Variants in CCDC85C observed in about 807,000 individuals in gnomAD.
CCDC85C encodes coiled-coil domain-containing protein 85C.
A neutral mutation model predicts 38.3 loss-of-function variants in CCDC85C; 18 were observed. The ratio of observed to expected loss-of-function variants is 0.47; its 90% CI spans 0.33 to 0.70. CCDC85C has a LOEUF of 0.70. Ranked by LOEUF, CCDC85C falls within the 30% of genes least tolerant of loss-of-function variation. The pLI is 0.03. For synonymous variants in CCDC85C, 264 were observed against 293.8 expected (o/e 0.90, Z 1.04); for missense variants, 566 against 621.2 (o/e 0.91, Z 0.94).
At position 99,503,858 on chromosome 14, in the gene CCDC85C, T is replaced by G; in HGVS notation, c.*11388A>C. On this transcript the variant is annotated 3_prime_UTR_variant, in exon 6 of 6. Coordinates refer to ENST00000380243, the MANE Select transcript of CCDC85C (RefSeq NM_001144995.2). Reference sequence around the variant, plus strand: ...TACGAAGCTATCAGTACAGAAAACATTACTGGCAATAAAAATGTACTCAGT... The same window carrying G: ...TACGAAGCTATCAGTACAGAAAACAGTACTGGCAATAAAAATGTACTCAGT... 1 of 560,704 alleles carries G rather than the reference T, an allele frequency of 1.8e-6. No individual in the cohort carries two copies. The highest frequency in any genetic ancestry group is 2.3e-5 in the South Asian group (1 of 43,390). The allele number at this position is 560,704 out of a possible 1,614,324, so 34.7% of individuals were successfully genotyped here. A position where few individuals can be genotyped will look rare whatever the true frequency, so the allele number is the denominator to read the frequency against.
chr14:99,580,477 G>T lies in CCDC85C; in HGVS notation c.793+22690C>A, dbSNP rs1393447010. Among the ~76,000 whole-genome samples, 36 of 145,440 alleles carry T rather than the reference G, an allele frequency of 2.5e-4. 1 individual carries two copies. The highest frequency in any genetic ancestry group is 1.5e-5 in the Non-Finnish European group (1 of 66,032). ...AGGGACGTCCCCAGTGAGGGGAGGG[G>T]GGGAAGGGGGCGGGGATGGGGGGAA... On this transcript the variant is annotated intron_variant, in intron 1 of 5. Transcript: ENST00000380243.
chr14:99,551,973 C>T (rs1321489276), intron 1 of CCDC85C, among the ~76,000 whole-genome samples: 1 of 152,198 alleles, frequency 6.6e-6, no homozygotes, highest in Non-Finnish European at 1.5e-5. Flanking sequence ...TTCCAGGCCC[C>T]GGGCCCATGT....
intron 1 of CCDC85C, among the ~76,000 whole-genome samples, chr14:99,590,945 G>C (rs1319165002): frequency 6.6e-6 from 1 of 152,214 alleles, no homozygotes; most frequent in African/African-American, 2.4e-5. Flanking sequence ...TTATCCGCCA[G>C]GGACGGCCAG....
At chr14:99,524,557 A>T (rs1566761218) in intron 2 of CCDC85C, among the ~76,000 whole-genome samples, 1 of 152,216 alleles carries the variant, frequency 6.6e-6, no homozygotes, top group Non-Finnish European at 1.5e-5. Context: ...TGTCCATAGA[A>T]CTTTATTAGC....
chr14:99,555,786 G>A (rs1897998863), intron 1 of CCDC85C, among the ~76,000 whole-genome samples: 4 of 152,306 alleles, frequency 2.6e-5, no homozygotes, highest in Non-Finnish European at 4.4e-5. Context: ...GTCTCCAAGA[G>A]CCTCCCGCAA....
Position 99,569,190 on chromosome 14 carries a change from CGA to C in CCDC85C, c.794-33104_794-33103del, listed in dbSNP as rs1205803629. On this transcript the variant is annotated intron_variant, in intron 1 of 5. Transcript: ENST00000380243. This position sits in a 1 kb window ranked among gnomAD's most constrained non-coding sequence, Gnocchi z 4.3. ...AAGAATAAAGCAGTAAGGCCCACGT[CGA>C]CCCATCTTCGTGAAGGAAGACCTAA... 1.7e-4 allele frequency among the ~76,000 whole-genome samples: 26 copies of C among 152,224 alleles called. No homozygotes were observed. The highest frequency in any genetic ancestry group is 3.4e-4 in the Non-Finnish European group (23 of 68,044).
At position 99,501,562 on chromosome 14, in the gene CCDC85C, G is replaced by A. The variant is rs553733370; in HGVS notation, c.*13684C>T. The A allele has an allele frequency of 2.8e-5, 17 of 607,006 alleles. 1 individual carries two copies. Among genetic ancestry groups the A allele is most frequent in the South Asian group, 1.6e-4 (8 of 48,622 alleles). 37.6% of individuals were successfully genotyped at this position (607,006 alleles called of 1,614,324 possible). ...AGTTAATGGCAAAGCTGGGGCTGAC[G>A]TCCAGGTCATCTGCTTCCCGGCAGA... On this transcript the variant is annotated 3_prime_UTR_variant, in exon 6 of 6. Coordinates refer to ENST00000380243, the MANE Select transcript of CCDC85C (RefSeq NM_001144995.2).
intron 2 of CCDC85C, among the ~76,000 whole-genome samples, chr14:99,529,010 A>G (rs941686983): frequency 7.3e-5 from 11 of 151,444 alleles, no homozygotes; most frequent in African/African-American, 2.4e-4. Flanking sequence ...GTTGATAGGG[A>G]AAAAAAAGGA....
chr14:99,545,402 T>C lies in CCDC85C; in HGVS notation c.794-9314A>G, dbSNP rs1364599017. The stretch of plus-strand genomic sequence containing the variant: ...TGGATCTGCCTGGGAACCACCAGTG[T>C]TCTCAAACCAAAACTCAAACTCATT... On this transcript the variant is annotated intron_variant, in intron 1 of 5. Transcript: ENST00000380243. This position sits in a 1 kb window ranked among gnomAD's most constrained non-coding sequence, Gnocchi z 4.7. 6.6e-6 allele frequency among the ~76,000 whole-genome samples: 1 copy of C among 152,140 alleles called. No homozygotes were observed.
At chr14:99,563,761 T>C (rs887975939) in intron 1 of CCDC85C, among the ~76,000 whole-genome samples, 1 of 152,200 alleles carries the variant, frequency 6.6e-6, no homozygotes, top group African/African-American at 2.4e-5. Flanking sequence ...TGTGCCTCTC[T>C]GTGGGCAAGG....
chr14:99,554,517 A>G (rs927985042), intron 1 of CCDC85C, among the ~76,000 whole-genome samples: 4 of 152,232 alleles, frequency 2.6e-5, no homozygotes, highest in Admixed American at 2.6e-4. Flanking sequence ...GCATGCTGGC[A>G]GCCCGCACAT....
intron 1 of CCDC85C, among the ~76,000 whole-genome samples, chr14:99,537,153 A>T (rs1381632756): frequency 6.6e-6 from 1 of 152,294 alleles, no homozygotes; most frequent in East Asian, 1.9e-4. Context: ...CCCAGATGCC[A>T]GCCCAGACCC....
In CCDC85C at chr14:99,508,422, G is replaced by A. The variant is rs1897029963; in HGVS notation, c.*6824C>T. 6.6e-6 allele frequency: 1 copy of A among 152,292 alleles called. No individual in the cohort carries two copies. Among genetic ancestry groups the A allele is most frequent in the Non-Finnish European group, 1.5e-5 (1 of 68,116 alleles). The allele number at this position is 152,292 out of a possible 1,614,324, so 9.4% of individuals were successfully genotyped here. ...CAGGGCACTGAGTAGCTGCTGTGGA[G>A]GCCTCAGAGCTCTGCTCCCTCCCCC... On this transcript the variant is annotated 3_prime_UTR_variant, in exon 6 of 6. Coordinates refer to ENST00000380243, the MANE Select transcript of CCDC85C (RefSeq NM_001144995.2).
chr14:99,568,061 C>T (rs540709453), intron 1 of CCDC85C, among the ~76,000 whole-genome samples: 2 of 152,104 alleles, frequency 1.3e-5, no homozygotes, highest in African/African-American at 4.8e-5. Flanking sequence ...GACTCCAGGG[C>T]ACTGGTCCCA....
In CCDC85C at chr14:99,576,306, C is replaced by T. The variant is rs1898475235; in HGVS notation, c.793+26861G>A. On this transcript the variant is annotated intron_variant, in intron 1 of 5. Transcript: ENST00000380243. This position sits in a 1 kb window ranked among gnomAD's most constrained non-coding sequence, Gnocchi z 4.8. ...CCATCTAAAATCCAGGGCCAGGGCC[C>T]CTCGAGGGTGGTCCCAAAGGTCCCC... Among the ~76,000 whole-genome samples, 1 of 152,232 alleles carries T rather than the reference C, an allele frequency of 6.6e-6. No homozygotes were observed. The highest frequency in any genetic ancestry group is 2.1e-4 in the South Asian group (1 of 4,830).
At chr14:99,598,977 T>A (rs2055172017) in intron 1 of CCDC85C, among the ~76,000 whole-genome samples, 1 of 152,142 alleles carries the variant, frequency 6.6e-6, no homozygotes, top group African/African-American at 2.4e-5. Flanking sequence ...AGGCCATTGA[T>A]GGATCCCTTG....
chr14:99,577,917 A>AGTGT (rs368902066), intron 1 of CCDC85C, among the ~76,000 whole-genome samples: 77 of 117,148 alleles, frequency 6.6e-4, no homozygotes, highest in African/African-American at 1.5e-3. Context: ...ATCCCCCATC[A>AGTGT]GTGTGTGTGT....
intron 1 of CCDC85C, among the ~76,000 whole-genome samples, chr14:99,543,166 G>A (rs1283871035): frequency 6.6e-6 from 1 of 152,324 alleles, no homozygotes; most frequent in East Asian, 1.9e-4. Flanking sequence ...TCTTTGGGCA[G>A]AAGCCTCTGG....
At position 99,545,539 on chromosome 14, in the gene CCDC85C, G is replaced by A. The variant is rs764715173; in HGVS notation, c.794-9451C>T. The stretch of plus-strand genomic sequence containing the variant: ...TTCCCTGTGCCTTCAAGGGCTGCAC[G>A]CATCTGGAAATTGACCTGTGTGTGT... On this transcript the variant is annotated intron_variant, in intron 1 of 5. Transcript: ENST00000380243. The surrounding 1 kb of genome is among the most constrained non-coding windows in gnomAD (Gnocchi z 4.7). Among the ~76,000 whole-genome samples, 11 of 152,282 alleles carry A rather than the reference G, an allele frequency of 7.2e-5. No individual in the cohort carries two copies. The highest frequency in any genetic ancestry group is 1.2e-4 in the Non-Finnish European group (8 of 68,018).
Sources: allele counts gnomAD v4.1 joint callset (sites outside exome capture counted in the v4.1 genomes callset), GRCh38; gene constraint gnomAD v4.1.1; non-coding constraint Gnocchi (gnomAD v3.1); transcripts MANE v1.5; gene names NCBI Gene and HGNC (gene_info 2026-07-23, HGNC 2026-07-21).